The following FBN2 variants were observed in gnomAD, a reference collection of about 807,000 sequenced individuals.
FBN2 encodes the protein fibrillin-2.
In FBN2, 105 loss-of-function variants were observed where a neutral mutation model predicts 355.6. That is an observed-to-expected ratio of 0.30 (90% CI 0.25 to 0.35). The LOEUF is 0.35. Ranked by LOEUF, FBN2 falls within the 10% of genes least tolerant of loss-of-function variation. FBN2 has a pLI of 1.00. For missense variants in FBN2, 3,280 were observed against 3,758.7 expected, an observed-to-expected ratio of 0.87 and a Z score of 3.33; for synonymous variants, 1,350 against 1,301.2, an observed-to-expected ratio of 1.04 and a Z score of -0.81.
At chr5:128,355,493 T>C (rs927225598) in intron 20 of FBN2, among the ~76,000 whole-genome samples, 8 of 152,210 alleles carry the variant, frequency 5.3e-5, no homozygotes, top group African/African-American at 1.7e-4. Flanking sequence ...TAAATATTCA[T>C]AGTATCCAAC....
intron 6 of FBN2, among the ~76,000 whole-genome samples, chr5:128,456,550 T>C (rs896309958): frequency 2.0e-5 from 3 of 152,120 alleles, no homozygotes; most frequent in African/African-American, 4.8e-5. Flanking sequence ...TGGCATTAGA[T>C]TGGTGCCCCT....
intron 55 of FBN2, among the ~76,000 whole-genome samples, chr5:128,282,826 C>T (rs1749012871): frequency 6.6e-6 from 1 of 152,120 alleles, no homozygotes; most frequent in Non-Finnish European, 1.5e-5. Context: ...TTGTCCGATG[C>T]TCCCCTACTT....
chr5:128,344,368 C>T lies in FBN2; in HGVS notation c.3343+17G>A, dbSNP rs1751111693. On this transcript the variant is annotated intron_variant, in intron 25 of 64. Transcript: ENST00000262464. ...GACAGCCAGAGTTTATCAAATAAAA[C>T]AGCAGAACCATCTTACCCGTGCAGT... 9 of 1,613,848 alleles carry T rather than the reference C, an allele frequency of 5.6e-6. No individual in the cohort carries two copies. Among genetic ancestry groups the T allele is most frequent in the Non-Finnish European group, 6.8e-6 (8 of 1,179,756 alleles).
In FBN2 at chr5:128,335,186, G is replaced by C. The variant is rs769665538; in HGVS notation, c.3957C>G (p.Asp1319Glu). ...GATACCCACCAATGCATGTTTTCAT[G>C]TCCATGGAAGCCATGAAGCCATCAT... ...LCYDGFMASM[D>E]MKTCIDVNEC... is the part of the protein sequence containing the mutation. Residue 1319 changes from aspartate to glutamate, a missense_variant, in exon 30 of 65, where the codon GAC (aspartate) becomes GAG (glutamate). Physicochemically the swap from Asp to Glu is conservative, Grantham distance 45. This residue lies in a region of FBN2 where 2,284 missense variants were observed against 2,749.5 expected (regional missense o/e 0.83). Transcript: ENST00000262464. The C allele has an allele frequency of 5.6e-6, 9 of 1,614,068 alleles. No homozygotes were observed. In the East Asian group the frequency reaches 1.3e-4, roughly 24 times the overall value.
intron 1 of FBN2, among the ~76,000 whole-genome samples, chr5:128,536,849 T>C (rs1303428931): frequency 6.6e-6 from 1 of 152,148 alleles, no homozygotes; most frequent in Non-Finnish European, 1.5e-5. Context: ...CATTCCTCCT[T>C]GGTCAACTGT....
intron 5 of FBN2, among the ~76,000 whole-genome samples, chr5:128,497,478 G>C (rs1423518567): frequency 6.6e-6 from 1 of 152,142 alleles, no homozygotes; most frequent in African/African-American, 2.4e-5. Context: ...GTAATTTTAG[G>C]GATTTGCTTT....
chr5:128,275,311 C>A (rs1337194588), intron 59 of FBN2, among the ~76,000 whole-genome samples: 1 of 151,994 alleles, frequency 6.6e-6, no homozygotes, highest in Non-Finnish European at 1.5e-5. Flanking sequence ...TATTATTTTA[C>A]AGCTTAAAAA....
intron 7 of FBN2, among the ~76,000 whole-genome samples, chr5:128,439,836 T>C (rs1487092917): frequency 2.0e-5 from 3 of 152,176 alleles, no homozygotes; most frequent in Admixed American, 6.5e-5. Flanking sequence ...AAAATGCTCA[T>C]GATTATTTTT....
chr5:128,408,885 A>C (rs1752999948), intron 7 of FBN2, 86 bp from the exon 8 acceptor site: 5 of 1,456,542 alleles, frequency 3.4e-6, no homozygotes, highest in Non-Finnish European at 4.8e-6. Flanking sequence ...AGAGTATGAG[A>C]GCATTCATGG....
At chr5:128,348,486 T>G (rs1435699252) in intron 23 of FBN2, among the ~76,000 whole-genome samples, 1 of 152,132 alleles carries the variant, frequency 6.6e-6, no homozygotes, top group Non-Finnish European at 1.5e-5. Flanking sequence ...CTGTTTTAAT[T>G]ATAATAACTG....
intron 45 of FBN2, among the ~76,000 whole-genome samples, chr5:128,303,691 G>A (rs1252586675): frequency 2.0e-5 from 3 of 152,146 alleles, no homozygotes; most frequent in Non-Finnish European, 4.4e-5. Context: ...CCAAAAAAAG[G>A]GTGGGGGCTG....
intron 58 of FBN2, among the ~76,000 whole-genome samples, chr5:128,277,646 G>A (rs1009254277): frequency 6.6e-6 from 1 of 152,114 alleles, no homozygotes; most frequent in Non-Finnish European, 1.5e-5. Context: ...CATGGATGTG[G>A]CACAAGTTCT....
chr5:128,447,648 A>G (rs1754104698), intron 6 of FBN2, among the ~76,000 whole-genome samples: 1 of 152,158 alleles, frequency 6.6e-6, no homozygotes, highest in East Asian at 1.9e-4. Context: ...TTGTCTTGTA[A>G]TATTTTATTA....
intron 7 of FBN2, among the ~76,000 whole-genome samples, chr5:128,435,027 TA>T (rs949387111): frequency 1.3e-5 from 2 of 152,082 alleles, no homozygotes; most frequent in African/African-American, 4.8e-5. Context: ...TTCATAATTT[TA>T]AAAAAAGAAT....
intron 25 of FBN2, 161 bp from the exon 26 acceptor site, chr5:128,339,222 C>A (rs989262776): frequency 1.5e-6 from 1 of 674,794 alleles, no homozygotes; most frequent in Non-Finnish European, 2.6e-6. Context: ...ACCTGAGGCA[C>A]ATTCCTTTCC....
In FBN2 at chr5:128,263,558, C is replaced by A. The variant is rs755599061; in HGVS notation, c.8059G>T (p.Asp2687Tyr). The A allele has an allele frequency of 6.2e-7, 1 of 1,614,024 alleles. No individual in the cohort carries two copies. The highest frequency in any genetic ancestry group is 8.5e-7 in the Non-Finnish European group (1 of 1,180,002). ...TCGTGGCAGGCACTGGAGAACTGGTCGAAGGAGAACCCCGAGGGGCAGGCG... is the reference window on the plus strand; with the variant it reads ...TCGTGGCAGGCACTGGAGAACTGGTAGAAGGAGAACCCCGAGGGGCAGGCG... ...KCACPSGFSF[D>Y]QFSSACHDVN... Residue 2687 changes from aspartate (D) to tyrosine (Y), a missense_variant, in exon 63 of 65, where the codon GAC (aspartate) becomes TAC (tyrosine). Around this residue, in one of 6 missense-constraint regions of FBN2, gnomAD observed 311 missense variants for 319.1 expected, o/e 0.97. Transcript: ENST00000262464.
At chr5:128,339,960 C>T (rs558843364) in intron 25 of FBN2, among the ~76,000 whole-genome samples, 1 of 152,308 alleles carries the variant, frequency 6.6e-6, no homozygotes, top group South Asian at 2.1e-4. Flanking sequence ...GTGACATGAG[C>T]TGTCACCAAC....
chr5:128,278,595 A>T, intron 57 of FBN2, 40 bp downstream of exon 57: 3 of 1,558,842 alleles, frequency 1.9e-6, no homozygotes, highest in East Asian at 2.2e-5. Context: ...CATAAAATTT[A>T]ATGTGTTGAT....
In FBN2 at chr5:128,424,775, A is replaced by G. The variant is rs143042178; in HGVS notation, c.953-15976T>C. ...CTGAAATCAATACTGCATCTTTCTA[A>G]ACACTAATTTGCAGTAACTCAGGCA... On this transcript the variant is annotated intron_variant, in intron 7 of 64. Coordinates refer to ENST00000262464, the MANE Select transcript of FBN2 (RefSeq NM_001999.4). Among the ~76,000 whole-genome samples the G allele has an allele frequency of 2.0e-4, 30 of 152,252 alleles. No individual in the cohort carries two copies. In the East Asian group the frequency reaches 5.8e-3, roughly 29 times the overall value.
Sources: gnomAD v4.1 joint callset for allele counts (sites outside exome capture counted in the v4.1 genomes callset) on GRCh38, gnomAD v4.1.1 for gene constraint, gnomAD v4.1.1 regional missense constraint, MANE v1.5 for transcripts, NCBI Gene and HGNC (gene_info 2026-07-23, HGNC 2026-07-21) for gene names.